Variants in TULP4 observed in about 807,000 individuals in gnomAD.
TULP4 encodes the protein TUB like protein 4.
In TULP4, 16 loss-of-function variants were observed where a neutral mutation model predicts 129.0. That is an observed-to-expected ratio of 0.12 (90% confidence interval 0.08 to 0.19). The LOEUF (loss-of-function observed/expected upper bound fraction) is 0.19. Ranked by LOEUF, TULP4 falls within the 10% of genes least tolerant of loss-of-function variation. The pLI is 1.00. For missense variants in TULP4, 1,842 were observed against 2,059.1 expected (o/e 0.89, Z 2.04); for synonymous variants, 998 against 854.0 (o/e 1.17, Z -2.94).
At chr6:158,284,073 T>A (rs1039854057) in intron 1 of TULP4, among the ~76,000 whole-genome samples, 2 of 152,094 alleles carry the variant, frequency 1.3e-5, no homozygotes, top group Non-Finnish European at 2.9e-5. Context: ...CCGTTAAAAG[T>A]CTTTATCAAA....
At chr6:158,238,207 C>T in intron 1 of TULP4, 3 of 832,762 alleles carry the variant, frequency 3.6e-6, no homozygotes, top group Non-Finnish European at 6.3e-6. Context: ...CCATGGTCAG[C>T]TTAATTTCAA....
In TULP4 at chr6:158,435,423, C is replaced by T. The variant is rs114039591; in HGVS notation, c.543+5526C>T. ...CTACCTTGGTTGGCGTCTTCTGGAC[C>T]CTGTCAGCACATCCAGGCACGTCCT... On this transcript the variant is annotated intron_variant, in intron 3 of 13. Transcript: ENST00000367097. Among the ~76,000 whole-genome samples the T allele has an allele frequency of 1.7e-3, 266 of 152,230 alleles. 2 individuals are homozygous for T. Among genetic ancestry groups the T allele is most frequent in the African/African-American group, 6.0e-3 (248 of 41,546 alleles).
At chr6:158,470,273 C>T (rs1444531053) in intron 6 of TULP4, among the ~76,000 whole-genome samples, 1 of 152,152 alleles carries the variant, frequency 6.6e-6, no homozygotes, top group African/African-American at 2.4e-5. Flanking sequence ...GGACAGCGAG[C>T]GAAAGCTCAG....
chr6:158,287,881 G>A (rs756502062), intron 1 of TULP4, among the ~76,000 whole-genome samples: 13 of 152,220 alleles, frequency 8.5e-5, no homozygotes, highest in Non-Finnish European at 1.6e-4. Context: ...ATGCCAGGCT[G>A]AGGAGGGTGT....
chr6:158,318,468 A>C (rs766171372), intron 1 of TULP4, among the ~76,000 whole-genome samples: 1 of 152,212 alleles, frequency 6.6e-6, no homozygotes, highest in Non-Finnish European at 1.5e-5. Flanking sequence ...ACGTGGTTTC[A>C]GACATCTTAC....
chr6:158,252,939 A>G (rs571154849), intron 1 of TULP4, among the ~76,000 whole-genome samples: 2 of 152,326 alleles, frequency 1.3e-5, no homozygotes, highest in East Asian at 3.9e-4. Flanking sequence ...TTTCACACAC[A>G]TATGGTAATT....
At chr6:158,265,477 C>T (rs767140511) in intron 1 of TULP4, among the ~76,000 whole-genome samples, 2 of 151,594 alleles carry the variant, frequency 1.3e-5, no homozygotes, top group South Asian at 2.1e-4. Flanking sequence ...GTCAGGAGAT[C>T]GAGACCAGCC....
chr6:158,337,126 C>CTTTT (rs1583764634), intron 1 of TULP4, among the ~76,000 whole-genome samples: 3 of 59,206 alleles, frequency 5.1e-5, no homozygotes, highest in Admixed American at 2.5e-4. Context: ...CTCTTTCTTT[C>CTTTT]TCTTTTTTTT....
At chr6:158,454,669 G>A (rs186781059) in intron 5 of TULP4, among the ~76,000 whole-genome samples, 2 of 151,234 alleles carry the variant, frequency 1.3e-5, no homozygotes, top group Admixed American at 1.3e-4. Context: ...GCGGTGGCAC[G>A]ATCTTGGCTC....
intron 1 of TULP4, among the ~76,000 whole-genome samples, chr6:158,335,094 G>A (rs1780001813): frequency 6.6e-6 from 1 of 151,952 alleles, no homozygotes; most frequent in African/African-American, 2.4e-5. Flanking sequence ...TGGCCAACAT[G>A]GTGAAACCCG....
chr6:158,299,474 C>T (rs925859751), intron 1 of TULP4, among the ~76,000 whole-genome samples: 3 of 152,120 alleles, frequency 2.0e-5, no homozygotes, highest in Admixed American at 6.6e-5. Context: ...TATTACTCCC[C>T]CTTTCATTTG....
At position 158,508,885 on chromosome 6, in the gene TULP4, T is replaced by C. The variant is rs545753853; in HGVS notation, c.*2191T>C. 1 of 133,704 alleles carries C rather than the reference T, an allele frequency of 7.5e-6. No homozygotes were observed. The highest frequency in any genetic ancestry group is 1.6e-5 in the Non-Finnish European group (1 of 62,314). 8.3% of individuals were successfully genotyped at this position (133,704 alleles called of 1,614,324 possible). ...AAGAGGATATGATAGAAGGTTTTTT[T>C]TTTTTTTTTTTTTTTTTTTTGAGAC... is the stretch of plus-strand genomic sequence containing the variant. On this transcript the variant is annotated 3_prime_UTR_variant, in exon 14 of 14. Transcript: ENST00000367097.
At chr6:158,444,742 C>T (rs1228031153) in intron 3 of TULP4, among the ~76,000 whole-genome samples, 1 of 152,088 alleles carries the variant, frequency 6.6e-6, no homozygotes, top group East Asian at 1.9e-4. Flanking sequence ...TAAATAATTG[C>T]ACCTAAAAAT....
chr6:158,325,777 CT>C (rs11316386), intron 1 of TULP4, among the ~76,000 whole-genome samples: 26,221 of 152,044 alleles, frequency 0.17, 2,650 homozygotes, highest in Middle Eastern at 0.25. Flanking sequence ...CCTAAACTGG[CT>C]TATCTATTTT....
chr6:158,421,651 C>A (rs1774567), intron 2 of TULP4, among the ~76,000 whole-genome samples: 109,079 of 151,568 alleles, frequency 0.72, 39,909 homozygotes, highest in African/African-American at 0.79. Flanking sequence ...GGTCTGGAAT[C>A]AAAAGATCTA....
At chr6:158,308,285 A>C (rs1779253092), upstream of TULP4, among the ~76,000 whole-genome samples, 2 of 150,560 alleles carry the variant, frequency 1.3e-5, no homozygotes, top group Admixed American at 6.6e-5. Context: ...CTGAGTGGAC[A>C]CAGCACATGT....
At position 158,409,662 on chromosome 6, in the gene TULP4, A is replaced by T. The variant is rs189643905; in HGVS notation, c.253-3403A>T. On this transcript the variant is annotated intron_variant, in intron 1 of 13. Transcript: ENST00000367097. ...CTGGGAGATAAGGCTGCAGCTGTGA[A>T]TTATAGACAGGGGAGGAAATGAGAA... Among the ~76,000 whole-genome samples, 898 of 152,290 alleles carry T rather than the reference A, an allele frequency of 5.9e-3. 6 individuals carry two copies. Among genetic ancestry groups the T allele is most frequent in the South Asian group, 0.023 (109 of 4,818 alleles).
intron 1 of TULP4, among the ~76,000 whole-genome samples, chr6:158,354,233 G>A (rs1780590646): frequency 6.6e-6 from 1 of 151,952 alleles, no homozygotes; most frequent in South Asian, 2.1e-4. Flanking sequence ...AATTTTGGTT[G>A]ACGGAAAAAC....
At chr6:158,253,105 T>C (rs930282827) in intron 1 of TULP4, among the ~76,000 whole-genome samples, 24 of 152,222 alleles carry the variant, frequency 1.6e-4, no homozygotes, top group Non-Finnish European at 3.2e-4. Flanking sequence ...CTATTTTCCA[T>C]TATTTGTTCA....
Sources: gnomAD v4.1 joint callset for allele counts (sites outside exome capture counted in the v4.1 genomes callset) on GRCh38, gnomAD v4.1.1 for gene constraint, MANE v1.5 for transcripts, NCBI Gene and HGNC (gene_info 2026-07-23, HGNC 2026-07-21) for gene names.